Variants in NEBL observed in about 807,000 individuals in gnomAD.
NEBL encodes the protein LIM and SH3 protein 2.
NEBL carries 122 observed loss-of-function variants against 140.2 expected under a neutral mutation model. The ratio of observed to expected loss-of-function variants is 0.87; its 90% CI spans 0.75 to 1.01. The LOEUF (loss-of-function observed/expected upper bound fraction) is 1.01. Among genes scored for constraint, NEBL ranks in the 50% least tolerant of loss-of-function variants. NEBL has a pLI of 0.00. For missense variants in NEBL, 1,365 were observed against 1,231.3 expected (o/e 1.11, Z -1.62); for synonymous variants, 436 against 398.9 (o/e 1.09, Z -1.11).
chr10:21,021,471 G>T (rs1178330510), intron 2 of NEBL, among the ~76,000 whole-genome samples: 1 of 152,212 alleles, frequency 6.6e-6, no homozygotes, highest in African/African-American at 2.4e-5. Flanking sequence ...TGCTCTTGCT[G>T]CAGGGATCAC....
chr10:21,205,769 C>T (rs939103550), intron 3 of NEBL, among the ~76,000 whole-genome samples: 1 of 152,040 alleles, frequency 6.6e-6, no homozygotes, highest in Non-Finnish European at 1.5e-5. Flanking sequence ...TAGATACTAA[C>T]CAAATTTTTA....
chr10:21,179,485 C>T (rs929354467), upstream of NEBL, among the ~76,000 whole-genome samples: 7 of 151,984 alleles, frequency 4.6e-5, no homozygotes, highest in African/African-American at 1.7e-4. Context: ...CCCCCCGCTC[C>T]AGCCCCTCAC....
At chr10:20,837,431 G>A (rs563678362) in intron 13 of NEBL, among the ~76,000 whole-genome samples, 3 of 152,314 alleles carry the variant, frequency 2.0e-5, no homozygotes, top group South Asian at 4.1e-4. Context: ...TGTGAAGGCT[G>A]AGAGAGGTGA....
chr10:20,819,498 T>C lies in NEBL; in HGVS notation c.1981A>G (p.Asn661Asp). Residue 661 changes from asparagine (N) to aspartate (D), a missense_variant, in exon 20 of 28, where the codon AAC (asparagine) becomes GAC (aspartate). Around this residue, in one of 2 missense-constraint regions of NEBL, gnomAD observed 1,323 missense variants for 1,154.8 expected, o/e 1.15. Transcript: ENST00000377122. Reference sequence around the variant, plus strand: ...ATGCTTACCGGAGTGGCCTTGTAGTTTTGCTCTTTATACTGGAGCTGAGAG... The same window carrying C: ...ATGCTTACCGGAGTGGCCTTGTAGTCTTGCTCTTTATACTGGAGCTGAGAG... ...NISNLQYKEQ[N>D]YKATPVSMTP... The C allele has an allele frequency of 6.2e-7, 1 of 1,614,064 alleles. No homozygotes were observed. The highest frequency in any genetic ancestry group is 8.5e-7 in the Non-Finnish European group (1 of 1,179,976).
intron 2 of NEBL, among the ~76,000 whole-genome samples, chr10:21,251,294 T>A (rs1842585169): frequency 6.6e-6 from 1 of 152,188 alleles, no homozygotes; most frequent in Non-Finnish European, 1.5e-5. Flanking sequence ...CAGTTTAATC[T>A]TATGACCCTC....
At chr10:21,142,088 G>A (rs1166955172) in intron 2 of NEBL, among the ~76,000 whole-genome samples, 1 of 152,124 alleles carries the variant, frequency 6.6e-6, no homozygotes, top group African/African-American at 2.4e-5. Flanking sequence ...CTCATTCAGT[G>A]GCAAAACTTG....
At chr10:20,852,283 T>C (rs1382185871) in intron 10 of NEBL, among the ~76,000 whole-genome samples, 1 of 152,198 alleles carries the variant, frequency 6.6e-6, no homozygotes, top group Admixed American at 6.5e-5. Context: ...TTAATTCCTA[T>C]CTTGTAACTT....
intron 3 of NEBL, among the ~76,000 whole-genome samples, chr10:20,970,546 C>T (rs186804014): frequency 8.6e-5 from 13 of 151,940 alleles, no homozygotes; most frequent in African/African-American, 2.9e-4. Flanking sequence ...CTCAGGAGGC[C>T]TCTGAGGTGT....
intron 3 of NEBL, among the ~76,000 whole-genome samples, chr10:21,240,188 C>T (rs557276416): frequency 6.6e-6 from 1 of 152,312 alleles, no homozygotes; most frequent in East Asian, 1.9e-4. Context: ...ACCGACAAAA[C>T]TCTTGGAACC....
upstream of NEBL, among the ~76,000 whole-genome samples, chr10:20,900,200 C>G (rs761487234): frequency 3.6e-4 from 55 of 152,294 alleles, no homozygotes; most frequent in Non-Finnish European, 5.1e-4. Flanking sequence ...ATGTTGTTTA[C>G]TTTTCTACTT....
At chr10:21,086,562 G>A (rs978773712) in intron 2 of NEBL, among the ~76,000 whole-genome samples, 1 of 152,174 alleles carries the variant, frequency 6.6e-6, no homozygotes, top group Non-Finnish European at 1.5e-5. Context: ...AGGATCACTT[G>A]AGCTCAGGAA....
chr10:21,130,352 G>T (rs1259205520), intron 2 of NEBL, among the ~76,000 whole-genome samples: 3 of 152,058 alleles, frequency 2.0e-5, no homozygotes, highest in Non-Finnish European at 4.4e-5. Context: ...CCAGCAGGCA[G>T]AAAATCAGCA....
At chr10:20,893,978 C>G (rs1847235288) in intron 2 of NEBL, among the ~76,000 whole-genome samples, 2 of 152,184 alleles carry the variant, frequency 1.3e-5, no homozygotes, top group South Asian at 4.1e-4. Context: ...TTCATAGCAT[C>G]ATAAAGGGTG....
intron 3 of NEBL, among the ~76,000 whole-genome samples, chr10:21,008,235 TA>T (rs1014820640): frequency 2.0e-5 from 3 of 152,198 alleles, no homozygotes; most frequent in Non-Finnish European, 4.4e-5. Context: ...CATATCTATA[TA>T]TATGTACAGT....
Position 21,081,107 on chromosome 10 carries a change from G to A in NEBL, c.165-60906C>T, listed in dbSNP as rs563988053. 8.5e-5 allele frequency among the ~76,000 whole-genome samples: 13 copies of A among 152,126 alleles called. 1 individual carries two copies. The South Asian group carries it at 2.7e-3, about 32-fold the overall frequency. On this transcript the variant is annotated intron_variant, in intron 2 of 6. Coordinates refer to the NEBL transcript ENST00000417816. ...TGACCTCAAGTGATCCACCCACCTC[G>A]ACCTCCCAAAGTGCTGGGAATACAG...
chr10:20,988,480 C>T (rs550374202), intron 3 of NEBL, among the ~76,000 whole-genome samples: 2 of 152,134 alleles, frequency 1.3e-5, no homozygotes, highest in African/African-American at 4.8e-5. Flanking sequence ...AACAGATGAA[C>T]TGTCCTGGCT....
chr10:21,033,916 AGCATTTTGGGAG>A (rs1833905294), intron 2 of NEBL, among the ~76,000 whole-genome samples: 1 of 152,030 alleles, frequency 6.6e-6, no homozygotes, highest in Non-Finnish European at 1.5e-5. Context: ...TGGTACTCCC[AGCATTTTGGGAG>A]GCCGAGGCGG....
At chr10:20,897,865 T>A (rs1332393644), upstream of NEBL, among the ~76,000 whole-genome samples, 2 of 152,216 alleles carry the variant, frequency 1.3e-5, no homozygotes, top group South Asian at 4.1e-4. Context: ...CTATTCTGAG[T>A]TAATTATGAC....
At chr10:20,819,305 G>A (rs1839041887) in intron 20 of NEBL, 119 bp downstream of exon 20, 29 of 1,474,302 alleles carry the variant, frequency 2.0e-5, no homozygotes, top group Non-Finnish European at 2.7e-5. Context: ...TTATTATGCA[G>A]TATTTGGTTT....
Sources: gnomAD v4.1 joint callset for allele counts (sites outside exome capture counted in the v4.1 genomes callset) on GRCh38, gnomAD v4.1.1 for gene constraint, gnomAD v4.1.1 regional missense constraint, MANE v1.5 for transcripts, NCBI Gene and HGNC (gene_info 2026-07-23, HGNC 2026-07-21) for gene names.